Variants in MITF observed in about 807,000 individuals in gnomAD.
MITF encodes the protein microphthalmia-associated transcription factor.
A neutral mutation model predicts 60.5 loss-of-function variants in MITF; 17 were observed. The ratio of observed to expected loss-of-function variants is 0.28; its 90% CI spans 0.19 to 0.42. MITF has a LOEUF of 0.42. MITF is among the 10% of genes least tolerant of loss of function. The pLI is 1.00. For synonymous variants in MITF, 260 were observed against 248.5 expected, an observed-to-expected ratio of 1.05 and a Z score of -0.43; for missense variants, 622 against 683.5, an observed-to-expected ratio of 0.91 and a Z score of 1.00.
intron 1 of MITF, among the ~76,000 whole-genome samples, chr3:69,757,127 G>A (rs1394070057): frequency 6.6e-6 from 1 of 152,116 alleles, no homozygotes; most frequent in Non-Finnish European, 1.5e-5. Flanking sequence ...TTGCAGCCCA[G>A]GAGTCTTCCA....
chr3:69,860,815 A>G (rs1373339634), intron 1 of MITF, among the ~76,000 whole-genome samples: 2 of 152,074 alleles, frequency 1.3e-5, no homozygotes, highest in Admixed American at 1.3e-4. Flanking sequence ...TCTCTTCTTT[A>G]TTTCCCTTTT....
intron 1 of MITF, among the ~76,000 whole-genome samples, chr3:69,795,731 A>G (rs1358712388): frequency 2.0e-5 from 3 of 152,208 alleles, no homozygotes; most frequent in African/African-American, 7.2e-5. Flanking sequence ...GTTTCAGAAA[A>G]TAAAAGGTAA....
chr3:69,915,588 T>A (rs1483003181), intron 2 of MITF, among the ~76,000 whole-genome samples: 1 of 152,062 alleles, frequency 6.6e-6, no homozygotes, highest in Non-Finnish European at 1.5e-5. Flanking sequence ...CATAACCCTA[T>A]GTCAGAGTTT....
rs145967226 is a variant in MITF, at chr3:69,949,056, T to C, written c.768T>C (p.Pro256=). ...TACTGTTTGTCTCTCTCTAGTTGCCTGTCTCGGGAAACTTGATTGATCTTT... is the reference window on the plus strand; with the variant it reads ...TACTGTTTGTCTCTCTCTAGTTGCCCGTCTCGGGAAACTTGATTGATCTTT... ...DPALQMANTL[P]VSGNLIDLYG... The change falls in exon 6 of 10, where the codon CCT becomes CCC. Residue 256 remains proline (P), a synonymous_variant. Transcript: ENST00000352241. 3.7e-6 allele frequency: 6 copies of C among 1,612,354 alleles called. No individual in the cohort carries two copies. The South Asian group carries it at 5.5e-5, about 15-fold the overall frequency.
intron 2 of MITF, among the ~76,000 whole-genome samples, chr3:69,908,494 T>C (rs2065150139): frequency 6.6e-6 from 1 of 152,210 alleles, no homozygotes; most frequent in Admixed American, 6.5e-5. Context: ...ATTCAAAAAA[T>C]AGTTTTACTT....
rs552492623 is a variant in MITF, at chr3:69,911,245, A to G, written c.355-26577A>G. 7.2e-5 allele frequency among the ~76,000 whole-genome samples: 11 copies of G among 152,216 alleles called. No homozygotes were observed. The South Asian group carries it at 2.3e-3, about 32-fold the overall frequency. On this transcript the variant is annotated intron_variant, in intron 2 of 9. Transcript: ENST00000352241. ...TCTGAGGCCTCACCGGCCGTGTGGAACTGTAAGTCCAATTAAACCTCTTTT... is the reference window on the plus strand; with the variant it reads ...TCTGAGGCCTCACCGGCCGTGTGGAGCTGTAAGTCCAATTAAACCTCTTTT...
intron 2 of MITF, among the ~76,000 whole-genome samples, chr3:69,934,282 C>T (rs1310591783): frequency 6.6e-6 from 1 of 152,148 alleles, no homozygotes; most frequent in Non-Finnish European, 1.5e-5. Context: ...ATAGAGTTTT[C>T]CGAAGGCTAC....
intron 1 of MITF, among the ~76,000 whole-genome samples, chr3:69,740,679 A>G (rs1703498099): frequency 6.6e-6 from 1 of 152,204 alleles, no homozygotes; most frequent in African/African-American, 2.4e-5. Flanking sequence ...GACATGGTCA[A>G]TGGAGGCTGG....
At chr3:69,840,935 T>C (rs1201352861) in intron 1 of MITF, among the ~76,000 whole-genome samples, 1 of 152,060 alleles carries the variant, frequency 6.6e-6, no homozygotes, top group Admixed American at 6.5e-5. Flanking sequence ...TTTGCATTTT[T>C]AGTAGAGATG....
At chr3:69,791,806 A>C (rs1319850830) in intron 1 of MITF, among the ~76,000 whole-genome samples, 1 of 152,202 alleles carries the variant, frequency 6.6e-6, no homozygotes, top group Non-Finnish European at 1.5e-5. Flanking sequence ...TGTATGCAAG[A>C]GGCATTATTA....
chr3:69,749,438 T>C (rs917575443), intron 1 of MITF, among the ~76,000 whole-genome samples: 3 of 152,214 alleles, frequency 2.0e-5, no homozygotes, highest in African/African-American at 7.2e-5. Context: ...ACCATCTAAA[T>C]TTAGGATGCT....
chr3:69,904,233 A>G (rs2065051114), intron 2 of MITF, among the ~76,000 whole-genome samples: 1 of 152,158 alleles, frequency 6.6e-6, no homozygotes, highest in South Asian at 2.1e-4. Context: ...CTGGGGATAC[A>G]CTAGTGAACA....
At chr3:69,964,736 A>ATGTCTGTTAATATCTG (rs2066639649) in intron 9 of MITF, 111 bp from the exon 10 acceptor site, 1 of 523,134 alleles carries the variant, frequency 1.9e-6, no homozygotes, top group African/African-American at 3.7e-5. Context: ...GTTTGGCCAA[A>ATGTCTGTTAATATCTG]TGTCTAATGA....
chr3:69,938,893 C>G, intron 3 of MITF: 1 of 1,455,758 alleles, frequency 6.9e-7, no homozygotes, highest in South Asian at 1.5e-5. Context: ...AAACCAACTG[C>G]TTTATTTTTC....
intron 1 of MITF, among the ~76,000 whole-genome samples, chr3:69,756,988 T>C (rs773435859): frequency 1.5e-4 from 23 of 152,228 alleles, no homozygotes; most frequent in Non-Finnish European, 2.8e-4. Context: ...GTTGTTTTTT[T>C]TCCTGTAAAT....
rs540278383 is a variant in MITF at position 69,748,561 on chromosome 3, G to A, written c.104+8860G>A. Among the ~76,000 whole-genome samples the A allele has an allele frequency of 1.1e-3, 161 of 152,246 alleles. 1 individual carries two copies. The highest frequency in any genetic ancestry group is 3.0e-3 in the African/African-American group (125 of 41,544). On this transcript the variant is annotated intron_variant, in intron 1 of 9. Coordinates refer to ENST00000352241, the MANE Select transcript of MITF (RefSeq NM_001354604.2). ...CGGCCAGAGTGATAACTTTCACAAC[G>A]AAAAATACTGGGTTGTGTGACAGCA...
chr3:69,769,835 G>T lies in MITF; in HGVS notation c.104+30134G>T, dbSNP rs150859930. On this transcript the variant is annotated intron_variant, in intron 1 of 9. Transcript: ENST00000352241. Reference sequence around the variant, plus strand: ...TTCTGAATTTGGGGCAGAGTTGCCAGATAAAATCCAGAATGTCCAGTTAAA... The same window carrying T: ...TTCTGAATTTGGGGCAGAGTTGCCATATAAAATCCAGAATGTCCAGTTAAA... 8.5e-5 allele frequency: 13 copies of T among 152,310 alleles called. No homozygotes were observed. In the East Asian group the frequency reaches 1.9e-3, roughly 23 times the overall value. 9.4% of individuals were successfully genotyped at this position (152,310 alleles called of 1,614,324 possible).
intron 1 of MITF, among the ~76,000 whole-genome samples, chr3:69,833,051 A>G (rs2063476637): frequency 6.6e-6 from 1 of 152,150 alleles, no homozygotes; most frequent in Non-Finnish European, 1.5e-5. Flanking sequence ...TTCACACTGT[A>G]TGTGATTGTT....
intron 1 of MITF, among the ~76,000 whole-genome samples, chr3:69,839,845 G>A (rs2063603687): frequency 6.6e-6 from 1 of 151,680 alleles, no homozygotes; most frequent in South Asian, 2.1e-4. Context: ...TATGTTCTCA[G>A]TGCTGTGGAT....
Sources: gnomAD v4.1 joint callset for allele counts (sites outside exome capture counted in the v4.1 genomes callset) on GRCh38, gnomAD v4.1.1 for gene constraint, MANE v1.5 for transcripts, NCBI Gene and HGNC (gene_info 2026-07-23, HGNC 2026-07-21) for gene names.